UNC13C: variants seen among roughly 807,000 people sequenced by gnomAD.
UNC13C encodes unc-13 homolog C, also known as protein unc-13 homolog C.
Under a neutral mutation model 245.4 loss-of-function variants are expected in UNC13C, and 174 were observed. That is an observed-to-expected ratio of 0.71 (90% confidence interval 0.63 to 0.80). UNC13C has a LOEUF of 0.80. Among genes scored for constraint, UNC13C ranks in the 30% least tolerant of loss-of-function variants. The pLI is 0.00. For missense variants in UNC13C, 2,829 were observed against 2,602.9 expected (o/e 1.09, Z -1.89); for synonymous variants, 992 against 895.1 (o/e 1.11, Z -1.93).
intron 30 of UNC13C, among the ~76,000 whole-genome samples, chr15:54,595,099 G>A (rs780025748): frequency 4.6e-5 from 7 of 152,214 alleles, no homozygotes; most frequent in Non-Finnish European, 1.0e-4. Flanking sequence ...TTGAGCAAAG[G>A]CATGTGTCTA....
chr15:53,962,127 G>A, the UNC13C span, among the ~76,000 whole-genome samples: 1 of 152,114 alleles, frequency 6.6e-6, no homozygotes, highest in African/African-American at 2.4e-5. Flanking sequence ...CCATGACATT[G>A]ATGATAGCTA....
At chr15:54,531,996 G>A (rs892363782) in intron 25 of UNC13C, among the ~76,000 whole-genome samples, 2 of 151,944 alleles carry the variant, frequency 1.3e-5, no homozygotes, top group Non-Finnish European at 2.9e-5. Flanking sequence ...TGATTTATAT[G>A]GTGGCAGTGG....
chr15:54,061,349 G>A (rs189134920), intron 2 of UNC13C, among the ~76,000 whole-genome samples: 1 of 152,170 alleles, frequency 6.6e-6, no homozygotes, highest in Non-Finnish European at 1.5e-5. Context: ...AATTTAGGTG[G>A]CTGGAAGAAA....
At chr15:54,618,237 A>G (rs1900568074) in intron 30 of UNC13C, among the ~76,000 whole-genome samples, 1 of 152,132 alleles carries the variant, frequency 6.6e-6, no homozygotes, top group Admixed American at 6.6e-5. Context: ...AATAAAGCAG[A>G]CAATGAGCTC....
chr15:54,564,145 A>G (rs976733383), intron 29 of UNC13C, among the ~76,000 whole-genome samples: 1 of 151,962 alleles, frequency 6.6e-6, no homozygotes, highest in African/African-American at 2.4e-5. Context: ...ACCACCTGGC[A>G]ATTTGTTTTC....
chr15:53,914,102 GTATCAGGCC>G, the UNC13C span: 1 of 151,958 alleles, frequency 6.6e-6, no homozygotes, highest in East Asian at 1.9e-4. Context: ...CTATGTGTAT[GTATCAGGCC>G]TGTGTGCCCA....
intron 29 of UNC13C, 85 bp from the exon 30 acceptor site, chr15:54,567,715 C>T (rs550236329): frequency 4.1e-6 from 5 of 1,224,018 alleles, no homozygotes; most frequent in East Asian, 5.1e-5. Context: ...TGTATTATTC[C>T]ATTTGAGCTT....
At chr15:53,843,755 G>T in the UNC13C span, among the ~76,000 whole-genome samples, 1 of 152,130 alleles carries the variant, frequency 6.6e-6, no homozygotes, top group African/African-American at 2.4e-5. Context: ...TCCCAGGTCA[G>T]CACAGAAGCC....
At chr15:54,250,107 C>T (rs2036104563) in intron 7 of UNC13C, 118 bp from the exon 8 acceptor site, 3 of 897,494 alleles carry the variant, frequency 3.3e-6, no homozygotes, top group Admixed American at 4.1e-5. Flanking sequence ...ATCAGTGATC[C>T]AGGGGCTCTC....
chr15:54,051,355 T>G (rs555801636), intron 2 of UNC13C, among the ~76,000 whole-genome samples: 1 of 152,282 alleles, frequency 6.6e-6, no homozygotes, highest in East Asian at 1.9e-4. Context: ...TGACACTCAT[T>G]ATTTAAAAAG....
chr15:54,331,401 G>A (rs372841798), intron 14 of UNC13C, among the ~76,000 whole-genome samples: 1 of 152,150 alleles, frequency 6.6e-6, no homozygotes, highest in African/African-American at 2.4e-5. Context: ...TAAGAGGACA[G>A]TTCAACACTG....
chr15:54,422,194 C>T (rs1013378056), intron 19 of UNC13C, among the ~76,000 whole-genome samples: 4 of 151,948 alleles, frequency 2.6e-5, no homozygotes, highest in African/African-American at 4.8e-5. Context: ...TCTCCAGACA[C>T]TTGACATAGA....
intron 19 of UNC13C, among the ~76,000 whole-genome samples, chr15:54,429,365 A>G (rs983607230): frequency 2.6e-5 from 4 of 151,742 alleles, no homozygotes; most frequent in East Asian, 1.9e-4. Context: ...TGAACTTCCC[A>G]TATTTTTCCA....
chr15:54,344,117 G>T (rs1457687555), intron 17 of UNC13C, among the ~76,000 whole-genome samples: 3 of 152,180 alleles, frequency 2.0e-5, no homozygotes, highest in East Asian at 1.9e-4. Flanking sequence ...TGGTTAAAAA[G>T]AGAGCTCAGA....
intron 4 of UNC13C, among the ~76,000 whole-genome samples, chr15:54,189,333 C>G (rs964262584): frequency 6.6e-6 from 1 of 152,080 alleles, no homozygotes; most frequent in Non-Finnish European, 1.5e-5. Context: ...CTCAGAATTT[C>G]TTTTCTTATA....
intron 30 of UNC13C, among the ~76,000 whole-genome samples, chr15:54,591,853 C>G (rs746253162): frequency 2.6e-5 from 4 of 151,576 alleles, no homozygotes; most frequent in Non-Finnish European, 4.4e-5. Flanking sequence ...TTGGTTTGTT[C>G]TTGTTTTTTA....
chr15:53,882,682 A>G, the UNC13C span, among the ~76,000 whole-genome samples: 1 of 152,166 alleles, frequency 6.6e-6, no homozygotes, highest in Admixed American at 6.6e-5. Context: ...TGTCAAATCA[A>G]TATATCCAGG....
chr15:54,266,959 A>G (rs2036563883), intron 10 of UNC13C, among the ~76,000 whole-genome samples: 1 of 152,092 alleles, frequency 6.6e-6, no homozygotes, highest in Non-Finnish European at 1.5e-5. Context: ...TTTGAGATCC[A>G]TCCAAATTGT....
At chr15:54,559,923 A>C (rs1257730032) in intron 29 of UNC13C, among the ~76,000 whole-genome samples, 3 of 152,036 alleles carry the variant, frequency 2.0e-5, no homozygotes, top group African/African-American at 7.2e-5. Context: ...ACCAAAGTAA[A>C]GAATCTCAAC....
Sources: gnomAD v4.1 joint callset for allele counts (sites outside exome capture counted in the v4.1 genomes callset) on GRCh38, gnomAD v4.1.1 for gene constraint, MANE v1.5 for transcripts, NCBI Gene and HGNC (gene_info 2026-07-23, HGNC 2026-07-21) for gene names.